The following IL1RAPL2 variants were observed in gnomAD, a reference collection of about 807,000 sequenced individuals.
IL1RAPL2 encodes the protein interleukin 1 receptor accessory protein like 2, also known as X-linked interleukin-1 receptor accessory protein-like 2.
In IL1RAPL2, 3 loss-of-function variants were observed where a neutral mutation model predicts 44.1. The ratio of observed to expected loss-of-function variants is 0.07; its 90% confidence interval spans 0.03 to 0.18. The LOEUF is 0.18. Among genes scored for constraint, IL1RAPL2 ranks in the 10% least tolerant of loss-of-function variants. The pLI, the probability that IL1RAPL2 is intolerant of heterozygous loss-of-function variation, is 1.00. For missense variants in IL1RAPL2, 391 were observed against 496.4 expected, an observed-to-expected ratio of 0.79 and a Z score of 2.02; for synonymous variants, 181 against 178.8, an observed-to-expected ratio of 1.01 and a Z score of -0.10.
rs765085829 is a variant in IL1RAPL2 at position 104,731,886 on chromosome X, T to G, written c.82+72891T>G. The stretch of plus-strand genomic sequence containing the variant: ...TAGAGAAAATACTTTTTCTTTTGAG[T>G]TACATGTGAAATATTTCTAAAAATT... On this transcript the variant is annotated intron_variant, in intron 2 of 10. Coordinates refer to ENST00000372582, the MANE Select transcript of IL1RAPL2 (RefSeq NM_017416.2). Among the ~76,000 whole-genome samples the G allele has an allele frequency of 2.2e-3, 245 of 111,542 alleles. 1 individual carries two copies. The highest frequency in any genetic ancestry group is 7.5e-3 in the African/African-American group (232 of 30,760).
intron 5 of IL1RAPL2, among the ~76,000 whole-genome samples, chrX:105,362,769 A>G (rs2035257113): frequency 9.0e-6 from 1 of 111,685 alleles, no homozygotes; most frequent in East Asian, 2.8e-4. Context: ...TTTATTGTAT[A>G]TATTTGTAGG....
chrX:105,751,454 T>TTGTA (rs1005553255), intron 9 of IL1RAPL2, among the ~76,000 whole-genome samples: 1 of 111,418 alleles, frequency 9.0e-6, no homozygotes, highest in African/African-American at 3.3e-5. Flanking sequence ...AACTGATCAG[T>TTGTA]TGTAGTACAT....
At chrX:104,767,048 C>T (rs1932569376) in intron 2 of IL1RAPL2, among the ~76,000 whole-genome samples, 1 of 111,917 alleles carries the variant, frequency 8.9e-6, no homozygotes, top group African/African-American at 3.3e-5. Flanking sequence ...GCTTTTCCTC[C>T]ACAGGGTTCA....
intron 2 of IL1RAPL2, among the ~76,000 whole-genome samples, chrX:104,855,229 T>C (rs187657411): frequency 1.8e-5 from 2 of 111,959 alleles, no homozygotes; most frequent in Admixed American, 1.9e-4. Context: ...AGTTTGGACA[T>C]GGGTCCAGAG....
At chrX:105,299,943 T>C (rs1360493804) in intron 5 of IL1RAPL2, among the ~76,000 whole-genome samples, 1 of 111,701 alleles carries the variant, frequency 9.0e-6, no homozygotes, top group Non-Finnish European at 1.9e-5. Context: ...TCTGGCTGTG[T>C]CTTGCTGACA....
chrX:105,360,671 A>C (rs1367164276), intron 5 of IL1RAPL2, among the ~76,000 whole-genome samples: 1 of 110,903 alleles, frequency 9.0e-6, no homozygotes, highest in East Asian at 2.8e-4. Flanking sequence ...ATTTTGAGGA[A>C]TAGTGTTATA....
chrX:105,663,781 G>C (rs2037737415), intron 6 of IL1RAPL2, among the ~76,000 whole-genome samples: 1 of 111,992 alleles, frequency 8.9e-6, no homozygotes, highest in African/African-American at 3.2e-5. Flanking sequence ...TGCTTGTTAT[G>C]TACGATAGAT....
At chrX:105,168,391 T>A (rs1260358703) in intron 2 of IL1RAPL2, among the ~76,000 whole-genome samples, 1 of 100,559 alleles carries the variant, frequency 9.9e-6, no homozygotes, top group African/African-American at 3.7e-5. Context: ...GCCAGTGTTC[T>A]CCAGAGAAAT....
At chrX:105,687,941 C>T (rs1389789456) in intron 6 of IL1RAPL2, among the ~76,000 whole-genome samples, 1 of 111,587 alleles carries the variant, frequency 9.0e-6, no homozygotes, top group Non-Finnish European at 1.9e-5. Context: ...TAAATGTAAT[C>T]CATCACATAC....
intron 2 of IL1RAPL2, among the ~76,000 whole-genome samples, chrX:105,081,619 T>G (rs1445051057): frequency 4.5e-5 from 5 of 111,710 alleles, no homozygotes; most frequent in African/African-American, 1.6e-4. Flanking sequence ...GGGTTTGTCA[T>G]AAATAGTTAT....
chrX:105,529,931 G>A (rs941092696), intron 6 of IL1RAPL2, among the ~76,000 whole-genome samples: 2 of 111,978 alleles, frequency 1.8e-5, no homozygotes, highest in Non-Finnish European at 3.8e-5. Flanking sequence ...ACCACATATT[G>A]TTTATCCATT....
chrX:105,496,924 C>CTT (rs1298239682), intron 6 of IL1RAPL2, among the ~76,000 whole-genome samples: 1 of 111,893 alleles, frequency 8.9e-6, no homozygotes, highest in Non-Finnish European at 1.9e-5. Context: ...TGAGTGACCA[C>CTT]TTTGTATATA....
chrX:105,234,734 G>A (rs147394454), intron 4 of IL1RAPL2, among the ~76,000 whole-genome samples: 2,147 of 108,824 alleles, frequency 0.02, 63 homozygotes, highest in African/African-American at 0.069. Flanking sequence ...CTTGAACATG[G>A]GAGGCAGAGG....
intron 5 of IL1RAPL2, among the ~76,000 whole-genome samples, chrX:105,398,684 C>T (rs1234993669): frequency 8.9e-6 from 1 of 111,823 alleles, no homozygotes; most frequent in Non-Finnish European, 1.9e-5. Context: ...CCTTTCCATA[C>T]ATGCTTTAAA....
At chrX:104,800,270 T>C (rs1026007432) in intron 2 of IL1RAPL2, among the ~76,000 whole-genome samples, 1 of 111,326 alleles carries the variant, frequency 9.0e-6, no homozygotes, top group Admixed American at 9.6e-5. Flanking sequence ...CTCTGAGCTC[T>C]ATTTCTTGTA....
At chrX:104,676,519 G>A (rs1450486010) in intron 2 of IL1RAPL2, among the ~76,000 whole-genome samples, 2 of 111,668 alleles carry the variant, frequency 1.8e-5, no homozygotes, top group African/African-American at 6.5e-5. Context: ...CTTTCTCTCT[G>A]GCTGCCCTTA....
chrX:105,315,375 C>CT (rs543025544), intron 5 of IL1RAPL2, among the ~76,000 whole-genome samples: 3 of 104,850 alleles, frequency 2.9e-5, no homozygotes, highest in South Asian at 9.1e-4. Flanking sequence ...TATTTATTAC[C>CT]TTTTTTTAAA....
chrX:104,822,375 G>A (rs1341148901), intron 2 of IL1RAPL2, among the ~76,000 whole-genome samples: 1 of 111,965 alleles, frequency 8.9e-6, no homozygotes, highest in Non-Finnish European at 1.9e-5. Flanking sequence ...GGTTTTTATG[G>A]TTTTAGGTCT....
intron 1 of IL1RAPL2, among the ~76,000 whole-genome samples, chrX:104,646,380 G>A (rs1930040955): frequency 9.5e-6 from 1 of 105,606 alleles, no homozygotes; most frequent in Non-Finnish European, 1.9e-5. Flanking sequence ...GTTAAATTTT[G>A]ACGATGATAT....
Sources: gnomAD v4.1 joint callset for allele counts (sites outside exome capture counted in the v4.1 genomes callset) on GRCh38, gnomAD v4.1.1 for gene constraint, MANE v1.5 for transcripts, NCBI Gene and HGNC (gene_info 2026-07-23, HGNC 2026-07-21) for gene names.